The following POGLUT2 variants were observed in gnomAD, a reference collection of about 807,000 sequenced individuals.
POGLUT2 encodes the protein ER protein 58.
Under a neutral mutation model 57.6 loss-of-function variants are expected in POGLUT2, and 47 were observed. The observed-to-expected ratio is 0.82, with a 90% CI of 0.65 to 1.04. The LOEUF is 1.04. Ranked by LOEUF, POGLUT2 falls within the 50% of genes least tolerant of loss-of-function variation. The pLI is 0.00. For synonymous variants in POGLUT2, 200 were observed against 218.8 expected (o/e 0.91, Z 0.76); for missense variants, 565 against 614.8 (o/e 0.92, Z 0.86).
rs759545965 is a variant in POGLUT2, at chr13:102,796,835, T to C, written c.357A>G (p.Gln119=). 5 of 1,603,980 alleles carry C rather than the reference T, an allele frequency of 3.1e-6. No homozygotes were observed. The highest frequency in any genetic ancestry group is 1.1e-5 in the South Asian group (1 of 90,832). The change falls in exon 2 of 10, where the codon CAA becomes CAG. Residue 119 remains glutamine, a synonymous_variant. Coordinates refer to ENST00000376004, the MANE Select transcript of POGLUT2 (RefSeq NM_024089.3). ...AAATATATGGGGATTTGGCCACATG[T>C]TGCCCTTGGAATTTAATTTCCACCT... ...NLKVEIKFQG[Q]HVAKSPYILK...
rs74507510 is a variant in POGLUT2 at position 102,787,048 on chromosome 13, G to T, written c.1384-709C>A. Among the ~76,000 whole-genome samples the T allele has an allele frequency of 9.2e-4, 137 of 148,938 alleles. 4 individuals carry two copies. In the East Asian group the frequency reaches 0.021, roughly 22 times the overall value. On this transcript the variant is annotated intron_variant, in intron 8 of 9. Coordinates refer to ENST00000376004, the MANE Select transcript of POGLUT2 (RefSeq NM_024089.3). ...TACCTGATTTTGTTTTTTTTTTTTT[G>T]TTTGTTTATTTTTTTGAGACAGAAT... is the stretch of plus-strand genomic sequence containing the variant.
chr13:102,790,451 A>G (rs1878122456), intron 6 of POGLUT2, among the ~76,000 whole-genome samples: 1 of 152,232 alleles, frequency 6.6e-6, no homozygotes, highest in African/African-American at 2.4e-5. Context: ...CAGAGAAAGC[A>G]AACCCTAATT....
At chr13:102,791,473 T>G (rs1288242690) in intron 4 of POGLUT2, 43 bp from the exon 5 acceptor site, 1 of 1,496,108 alleles carries the variant, frequency 6.7e-7, no homozygotes, top group South Asian at 1.3e-5. Context: ...TTTCCTGCAT[T>G]GGATAATACA....
intron 2 of POGLUT2, among the ~76,000 whole-genome samples, chr13:102,794,115 T>G (rs1039997740): frequency 6.6e-6 from 1 of 151,954 alleles, no homozygotes; most frequent in African/African-American, 2.4e-5. Flanking sequence ...CATGCACCTG[T>G]GGTTTCAGCT....
intron 6 of POGLUT2, 136 bp downstream of exon 6, chr13:102,790,765 A>G: frequency 1.5e-6 from 1 of 650,584 alleles, no homozygotes. Flanking sequence ...CAGCACCCCC[A>G]TGTCTCAATA....
intron 7 of POGLUT2, among the ~76,000 whole-genome samples, chr13:102,788,270 T>G (rs1398121909): frequency 2.0e-5 from 3 of 152,244 alleles, no homozygotes; most frequent in Non-Finnish European, 4.4e-5. Context: ...TAAAGTTTAT[T>G]GCATTCCATC....
intron 9 of POGLUT2, 125 bp downstream of exon 9, chr13:102,786,107 T>G: frequency 1.5e-6 from 1 of 662,752 alleles, no homozygotes; most frequent in Non-Finnish European, 2.7e-6. Flanking sequence ...CAGACTGAAT[T>G]GCTTGGAGAC....
chr13:102,792,692 C>A (rs1878225876), intron 4 of POGLUT2, among the ~76,000 whole-genome samples: 1 of 151,944 alleles, frequency 6.6e-6, no homozygotes, highest in Non-Finnish European at 1.5e-5. Context: ...CAGCTGCAAA[C>A]CAAGGAACAC....
intron 6 of POGLUT2, among the ~76,000 whole-genome samples, chr13:102,790,481 T>G (rs781298235): frequency 3.9e-5 from 6 of 152,232 alleles, no homozygotes; most frequent in Non-Finnish European, 8.8e-5. Flanking sequence ...AACATTTGGA[T>G]GAGTTTCACG....
chr13:102,793,099 G>C (rs1351728276), intron 4 of POGLUT2: 1 of 419,112 alleles, frequency 2.4e-6, no homozygotes. Flanking sequence ...TGGACATCTG[G>C]CCTCCATAAC....
At chr13:102,797,044 T>C in intron 1 of POGLUT2, 35 bp from the exon 2 acceptor site, 3 of 1,467,028 alleles carry the variant, frequency 2.0e-6, no homozygotes, top group Non-Finnish European at 2.9e-6. Context: ...GATAAACAGA[T>C]TTTAACGAAC....
At chr13:102,798,094 C>A (rs538928901) in intron 1 of POGLUT2, among the ~76,000 whole-genome samples, 2 of 152,120 alleles carry the variant, frequency 1.3e-5, no homozygotes, top group African/African-American at 4.8e-5. Context: ...AACATGCTTA[C>A]CTGCAGATGT....
At position 102,788,994 on chromosome 13, in the gene POGLUT2, C is replaced by T. The variant is rs1458047174; in HGVS notation, c.1293+18G>A. On this transcript the variant is annotated intron_variant, in intron 7 of 9. Coordinates refer to ENST00000376004, the MANE Select transcript of POGLUT2 (RefSeq NM_024089.3). ...TGGGAAACAAGTGGAAATAAGCCTT[C>T]AAGGGGACTAACCTTACCTCTTCAT... is the stretch of plus-strand genomic sequence containing the variant. 1 of 1,601,936 alleles carries T rather than the reference C, an allele frequency of 6.2e-7. No homozygotes were observed. The highest frequency in any genetic ancestry group is 8.5e-7 in the Non-Finnish European group (1 of 1,169,900).
At chr13:102,787,089 C>T (rs1018600883) in intron 8 of POGLUT2, among the ~76,000 whole-genome samples, 1 of 152,026 alleles carries the variant, frequency 6.6e-6, no homozygotes, top group African/African-American at 2.4e-5. Context: ...TCTTGTCACC[C>T]AGGCTGGAGT....
At chr13:102,795,912 C>G (rs184436019) in intron 2 of POGLUT2, among the ~76,000 whole-genome samples, 36 of 152,166 alleles carry the variant, frequency 2.4e-4, no homozygotes, top group Non-Finnish European at 4.3e-4. Flanking sequence ...TTTGTATATA[C>G]ACTGCTTCCC....
chr13:102,791,738 T>G lies in POGLUT2; in HGVS notation c.673-308A>C, dbSNP rs1878188939. 2.0e-5 allele frequency among the ~76,000 whole-genome samples: 3 copies of G among 152,184 alleles called. No individual in the cohort carries two copies. In the South Asian group the frequency reaches 6.2e-4, roughly 32 times the overall value. On this transcript the variant is annotated intron_variant, in intron 4 of 9. Coordinates refer to ENST00000376004, the MANE Select transcript of POGLUT2 (RefSeq NM_024089.3). ...TAATTTAAAAAATAGCACTTGGGAC[T>G]CTAACCCTAGTTTCCTGCTAGTGAG...
chr13:102,784,409 A>G lies in POGLUT2; in HGVS notation c.*86T>C, dbSNP rs1276796313. 36 of 788,618 alleles carry G rather than the reference A, an allele frequency of 4.6e-5. No individual in the cohort carries two copies. The highest frequency in any genetic ancestry group is 7.6e-5 in the Non-Finnish European group (35 of 458,162). 48.9% of individuals were successfully genotyped at this position (788,618 alleles called of 1,614,324 possible). The stretch of plus-strand genomic sequence containing the variant: ...CAATCACACAGATTTTATATTGTCC[A>G]TGGAATTAATACTTAAAAAAATTCT... On this transcript the variant is annotated 3_prime_UTR_variant, in exon 10 of 10. Transcript: ENST00000376004.
At chr13:102,797,920 A>G (rs1376173457) in intron 1 of POGLUT2, among the ~76,000 whole-genome samples, 1 of 152,242 alleles carries the variant, frequency 6.6e-6, no homozygotes, top group Admixed American at 6.5e-5. Flanking sequence ...CAATCATTTC[A>G]GAAGTATAGG....
At chr13:102,792,112 C>G (rs1340500705) in intron 4 of POGLUT2, 1 of 1,278,632 alleles carries the variant, frequency 7.8e-7, no homozygotes, top group Non-Finnish European at 1.0e-6. Context: ...TTAAAGGAGG[C>G]TTAATATTGA....
Sources: allele counts gnomAD v4.1 joint callset (sites outside exome capture counted in the v4.1 genomes callset), GRCh38; gene constraint gnomAD v4.1.1; transcripts MANE v1.5; gene names NCBI Gene and HGNC (gene_info 2026-07-23, HGNC 2026-07-21).